The following CRTC1 variants were observed in gnomAD, a reference collection of about 807,000 sequenced individuals.
CRTC1 encodes CREB regulated transcription coactivator 1, also known as CREB-regulated transcription coactivator 1.
CRTC1 carries 18 observed loss-of-function variants against 66.1 expected under a neutral mutation model. That is an observed-to-expected ratio of 0.27 (90% CI 0.19 to 0.40). The LOEUF (loss-of-function observed/expected upper bound fraction) is 0.40, where lower values mean the gene tolerates loss of function less well. Among genes scored for constraint, CRTC1 ranks in the 10% least tolerant of loss-of-function variants. CRTC1 has a pLI of 1.00. For missense variants in CRTC1, 669 were observed against 887.9 expected, an observed-to-expected ratio of 0.75 and a Z score of 3.13; for synonymous variants, 416 against 398.8, an observed-to-expected ratio of 1.04 and a Z score of -0.51.
intron 1 of CRTC1, among the ~76,000 whole-genome samples, chr19:18,725,172 G>A (rs1244820488): frequency 1.3e-5 from 2 of 152,112 alleles, no homozygotes; most frequent in African/African-American, 4.8e-5. Flanking sequence ...AGACCCCCTT[G>A]CTCCCTAGTG....
At chr19:18,691,191 CAA>C (rs35591757) in intron 1 of CRTC1, among the ~76,000 whole-genome samples, 19 of 118,616 alleles carry the variant, frequency 1.6e-4, no homozygotes, top group Non-Finnish European at 2.3e-4. Flanking sequence ...GATCCTGTCT[CAA>C]AAAAAAAAAA....
chr19:18,743,960 G>T (rs1291299020), intron 2 of CRTC1: 4 of 717,448 alleles, frequency 5.6e-6, no homozygotes, highest in African/African-American at 1.8e-5. Context: ...CACCTTGCAA[G>T]CTCAGCCTGA....
At chr19:18,730,432 C>T (rs2053860698) in intron 1 of CRTC1, among the ~76,000 whole-genome samples, 1 of 152,090 alleles carries the variant, frequency 6.6e-6, no homozygotes, top group African/African-American at 2.4e-5. Context: ...GTAGGCCTGT[C>T]TTCAGGATGG....
intron 1 of CRTC1, among the ~76,000 whole-genome samples, chr19:18,685,608 G>A (rs557503184): frequency 1.3e-5 from 2 of 152,188 alleles, no homozygotes; most frequent in Non-Finnish European, 2.9e-5. Flanking sequence ...AGTGAGCCGA[G>A]ATCATGTTAC....
chr19:18,737,656 A>G (rs1046550496), intron 1 of CRTC1, among the ~76,000 whole-genome samples: 8 of 152,018 alleles, frequency 5.3e-5, no homozygotes, highest in Non-Finnish European at 1.0e-4. Context: ...GTTTTGAGCC[A>G]CGCATGTCTA....
intron 1 of CRTC1, among the ~76,000 whole-genome samples, chr19:18,713,556 G>GGCGTCCTCCTCGTGCCCCGCACCCTTAA (rs1204362050): frequency 6.6e-6 from 1 of 152,228 alleles, no homozygotes; most frequent in Non-Finnish European, 1.5e-5. Context: ...TGCACCCTTA[G>GGCGTCCTCCTCGTGCCCCGCACCCTTAA]GCGTCCTCCT....
chr19:18,716,254 ACT>A (rs2053504766), intron 1 of CRTC1, among the ~76,000 whole-genome samples: 4 of 142,120 alleles, frequency 2.8e-5, no homozygotes, highest in Admixed American at 7.0e-5. Context: ...CTCCCGAATG[ACT>A]CTTTTTTTTT....
chr19:18,693,665 A>G lies in CRTC1; in HGVS notation c.126+9837A>G, dbSNP rs572360947. Among the ~76,000 whole-genome samples, 247 of 150,226 alleles carry G rather than the reference A, an allele frequency of 1.6e-3. 1 individual carries two copies. The highest frequency in any genetic ancestry group is 2.0e-3 in the Non-Finnish European group (137 of 67,542). On this transcript the variant is annotated intron_variant, in intron 1 of 13. Coordinates refer to ENST00000321949, the MANE Select transcript of CRTC1 (RefSeq NM_015321.3). ...CCCGGCTACTTTTTTTTGTATTTTT[A>G]GTAGAGACAGGGTTTCCCCATGTTC... is the stretch of plus-strand genomic sequence containing the variant.
chr19:18,759,816 C>A (rs1021743743), intron 7 of CRTC1, among the ~76,000 whole-genome samples, 192 bp from the exon 8 acceptor site: 12 of 152,116 alleles, frequency 7.9e-5, no homozygotes, highest in Non-Finnish European at 1.8e-4. Context: ...AGGCCCCCCA[C>A]CGTCCTCACC....
rs2052614856 is a variant in CRTC1 at position 18,683,717 on chromosome 19, C to T, written c.15C>T (p.Asn5=). The T allele has an allele frequency of 2.1e-6, 3 of 1,405,472 alleles. No individual in the cohort carries two copies. The highest frequency in any genetic ancestry group is 3.0e-5 in the African/African-American group (2 of 65,998). The allele number at this position is 1,405,472 out of a possible 1,614,324, so 87.1% of individuals were successfully genotyped here. The change falls in exon 1 of 14, where the codon AAC becomes AAT. Residue 5 remains asparagine, a synonymous_variant. Coordinates refer to ENST00000321949, the MANE Select transcript of CRTC1 (RefSeq NM_015321.3). MATS[N]NPRKFSEKIA... ...GCGGCGAGAAGATGGCGACTTCGAA[C>T]AATCCGCGGAAATTCAGCGAGAAGA... is the stretch of plus-strand genomic sequence containing the variant.
chr19:18,689,271 G>A, intron 1 of CRTC1, among the ~76,000 whole-genome samples: 1 of 151,482 alleles, frequency 6.6e-6, no homozygotes, highest in South Asian at 2.1e-4. Context: ...CTGTCTCTAT[G>A]GATTTGCCTG....
In CRTC1 at chr19:18,778,036, A is replaced by AC. The variant is rs1001676103; in HGVS notation, c.*661dup. On this transcript the variant is annotated 3_prime_UTR_variant, in exon 14 of 14. Coordinates refer to ENST00000321949, the MANE Select transcript of CRTC1 (RefSeq NM_015321.3). ...GTGGACAGAGCATGCAGGGCGGCGGACCCCCCCACGACCCTCCTCGCCCTG... is the reference window on the plus strand; with the variant it reads ...GTGGACAGAGCATGCAGGGCGGCGGACCCCCCCCACGACCCTCCTCGCCCTG... The AC allele has an allele frequency of 2.2e-5, 5 of 231,804 alleles. No homozygotes were observed. The highest frequency in any genetic ancestry group is 1.8e-4 in the South Asian group (1 of 5,480). The allele number at this position is 231,804 out of a possible 1,614,324, so 14.4% of individuals were successfully genotyped here.
At chr19:18,739,616 T>A (rs879418997) in intron 1 of CRTC1, among the ~76,000 whole-genome samples, 4 of 152,192 alleles carry the variant, frequency 2.6e-5, no homozygotes, top group Non-Finnish European at 4.4e-5. Flanking sequence ...CCTCAGGGTC[T>A]CAGTGGTTTG....
At chr19:18,731,010 C>A (rs2053876160) in intron 1 of CRTC1, among the ~76,000 whole-genome samples, 1 of 152,162 alleles carries the variant, frequency 6.6e-6, no homozygotes, top group Non-Finnish European at 1.5e-5. Context: ...CAGTGTCTCG[C>A]TGTCACCCAG....
At position 18,749,768 on chromosome 19, in the gene CRTC1, C is replaced by T. The variant is rs1452014262; in HGVS notation, c.444-13C>T. 3 of 1,610,186 alleles carry T rather than the reference C, an allele frequency of 1.9e-6. No homozygotes were observed. The highest frequency in any genetic ancestry group is 3.3e-5 in the Admixed American group (2 of 60,018). ...GGGCTGAGGCTCATTGTCTCTTCCT[C>T]CCTCCCCACCAGGACCAATTCTGAC... is the stretch of plus-strand genomic sequence containing the variant. On this transcript the variant is annotated splice_polypyrimidine_tract_variant and intron_variant, in intron 4 of 13. Coordinates refer to ENST00000321949, the MANE Select transcript of CRTC1 (RefSeq NM_015321.3).
Position 18,760,221 on chromosome 19 carries a change from C to G in CRTC1, c.879C>G (p.Ala293=). ...TGACGCACCTGGGCATCGGTGGCGC[C>G]GGCCAGGGTAAGGCAGGGACACTCC... ...ANLTHLGIGG[A]GQGMSTPGSS... The change falls in exon 8 of 14, where the codon GCC becomes GCG. Residue 293 remains alanine (A), a synonymous_variant. Transcript: ENST00000321949. The surrounding 1 kb of genome is among the most constrained non-coding windows in gnomAD (Gnocchi z 6.2). The G allele has an allele frequency of 1.9e-5, 30 of 1,599,524 alleles. No individual in the cohort carries two copies. Among genetic ancestry groups the G allele is most frequent in the Non-Finnish European group, 2.4e-5 (28 of 1,173,968 alleles).
At chr19:18,714,597 C>T (rs1248856759) in intron 1 of CRTC1, among the ~76,000 whole-genome samples, 2 of 152,226 alleles carry the variant, frequency 1.3e-5, no homozygotes, top group South Asian at 2.1e-4. Flanking sequence ...TGAGCCACCA[C>T]ACTCGGCCTA....
intron 1 of CRTC1, among the ~76,000 whole-genome samples, chr19:18,735,096 G>C (rs1300780228): frequency 6.6e-6 from 1 of 152,214 alleles, no homozygotes; most frequent in Non-Finnish European, 1.5e-5. Context: ...CTCTTTGCTG[G>C]GCCCTTGGAG....
chr19:18,743,219 C>G (rs1344784249), intron 2 of CRTC1, among the ~76,000 whole-genome samples, 193 bp downstream of exon 2: 1 of 152,258 alleles, frequency 6.6e-6, no homozygotes, highest in African/African-American at 2.4e-5. Flanking sequence ...GCAGCCCATT[C>G]CCCATCAGCA....
Sources: gnomAD v4.1 joint callset for allele counts (sites outside exome capture counted in the v4.1 genomes callset) on GRCh38, gnomAD v4.1.1 for gene constraint, Gnocchi (gnomAD v3.1) non-coding constraint, MANE v1.5 for transcripts, NCBI Gene and HGNC (gene_info 2026-07-23, HGNC 2026-07-21) for gene names.